PGCKA1: variants seen among roughly 807,000 people sequenced by gnomAD.
PGCKA1 encodes PDCD10 and GCKIII kinases associated 1, also known as PDCD10 and GCKIII kinases-associated protein 1.
the PGCKA1 span, among the ~76,000 whole-genome samples, chr4:37,572,224 G>A: frequency 2.6e-5 from 4 of 151,304 alleles, no homozygotes; most frequent in South Asian, 4.2e-4. Flanking sequence ...CACTACGCCC[G>A]GCTAATTTTT....
chr4:37,457,233 CCTT>C, the PGCKA1 span, among the ~76,000 whole-genome samples: 1 of 152,208 alleles, frequency 6.6e-6, no homozygotes, highest in African/African-American at 2.4e-5. Flanking sequence ...TAGCTTAACT[CCTT>C]CTGGGAGTAA....
the PGCKA1 span, among the ~76,000 whole-genome samples, chr4:37,504,359 G>A: frequency 1.4e-4 from 22 of 152,256 alleles, no homozygotes; most frequent in African/African-American, 4.8e-4. Flanking sequence ...GTTAGGGAAT[G>A]TGATTCCTCC....
chr4:37,538,586 T>C, the PGCKA1 span, among the ~76,000 whole-genome samples: 1 of 152,132 alleles, frequency 6.6e-6, no homozygotes, highest in Non-Finnish European at 1.5e-5. Flanking sequence ...TTAGGTGGGG[T>C]CTTTAGCTGT....
At chr4:37,529,455 C>T in the PGCKA1 span, among the ~76,000 whole-genome samples, 1 of 151,912 alleles carries the variant, frequency 6.6e-6, no homozygotes, top group Non-Finnish European at 1.5e-5. Flanking sequence ...CTCTATTATC[C>T]CACCTGTGCT....
At chr4:37,551,287 C>CAA in the PGCKA1 span, among the ~76,000 whole-genome samples, 2 of 152,138 alleles carry the variant, frequency 1.3e-5, no homozygotes, top group South Asian at 2.1e-4. Context: ...ATGCTTCCCA[C>CAA]AAAAAACGAA....
the PGCKA1 span, among the ~76,000 whole-genome samples, chr4:37,589,634 A>C: frequency 6.6e-6 from 1 of 151,978 alleles, no homozygotes; most frequent in Non-Finnish European, 1.5e-5. Flanking sequence ...TTCAGGCAGA[A>C]CCTTGTTTAT....
At chr4:37,549,915 G>T in the PGCKA1 span, among the ~76,000 whole-genome samples, 1 of 152,166 alleles carries the variant, frequency 6.6e-6, no homozygotes, top group African/African-American at 2.4e-5. Flanking sequence ...GAAACTCATC[G>T]TGGGACTTAT....
the PGCKA1 span, chr4:37,590,312 AG>A: frequency 6.2e-7 from 1 of 1,613,838 alleles, no homozygotes; most frequent in Non-Finnish European, 8.5e-7. Flanking sequence ...CCGCTCCCAC[AG>A]GGGGACGCTG....
chr4:37,505,857 T>C, the PGCKA1 span, among the ~76,000 whole-genome samples: 1 of 152,370 alleles, frequency 6.6e-6, no homozygotes, highest in African/African-American at 2.4e-5. Flanking sequence ...TGAGTAGGAT[T>C]GTTATTAGTT....
chr4:37,497,888 G>T, the PGCKA1 span, among the ~76,000 whole-genome samples: 1 of 152,048 alleles, frequency 6.6e-6, no homozygotes, highest in Non-Finnish European at 1.5e-5. Flanking sequence ...AGTTTAATTA[G>T]GTCACAGCTA....
At chr4:37,579,382 T>C in the PGCKA1 span, among the ~76,000 whole-genome samples, 3 of 152,224 alleles carry the variant, frequency 2.0e-5, no homozygotes, top group Non-Finnish European at 4.4e-5. Flanking sequence ...TTAGATTATT[T>C]CTCATTGCTC....
the PGCKA1 span, among the ~76,000 whole-genome samples, chr4:37,531,891 CAAA>C: frequency 1.1e-4 from 8 of 70,928 alleles, no homozygotes; most frequent in African/African-American, 1.9e-4. Flanking sequence ...GAATCTGTCT[CAAA>C]AAAAAAAAAA....
chr4:37,569,233 T>C, the PGCKA1 span, among the ~76,000 whole-genome samples: 1 of 151,946 alleles, frequency 6.6e-6, no homozygotes, highest in Non-Finnish European at 1.5e-5. Context: ...GTTTTGCTCT[T>C]GTTGCCCAGG....
At chr4:37,570,255 C>T in the PGCKA1 span, among the ~76,000 whole-genome samples, 1 of 148,670 alleles carries the variant, frequency 6.7e-6, no homozygotes, top group Admixed American at 6.8e-5. Flanking sequence ...ACCTCGGCCT[C>T]CCAAAGTGCT....
the PGCKA1 span, among the ~76,000 whole-genome samples, chr4:37,543,217 A>G: frequency 1.3e-5 from 2 of 152,078 alleles, no homozygotes; most frequent in Non-Finnish European, 2.9e-5. Flanking sequence ...TTTTTCCATA[A>G]TAGGCATCAT....
the PGCKA1 span, among the ~76,000 whole-genome samples, chr4:37,459,021 G>A: frequency 2.2e-4 from 33 of 152,228 alleles, no homozygotes; most frequent in Non-Finnish European, 3.8e-4. Context: ...CCAACACTGG[G>A]ACTTGGGTGT....
chr4:37,504,294 C>T, the PGCKA1 span, among the ~76,000 whole-genome samples: 5 of 152,080 alleles, frequency 3.3e-5, no homozygotes, highest in African/African-American at 1.2e-4. Context: ...CTATGTGTCT[C>T]ATTTTATGCC....
chr4:37,541,837 A>G, the PGCKA1 span, among the ~76,000 whole-genome samples: 1 of 152,202 alleles, frequency 6.6e-6, no homozygotes, highest in Non-Finnish European at 1.5e-5. Flanking sequence ...AAAGACATCT[A>G]GAGCCAGGAA....
chr4:37,482,347 G>C, the PGCKA1 span, among the ~76,000 whole-genome samples: 1 of 152,154 alleles, frequency 6.6e-6, no homozygotes, highest in Admixed American at 6.5e-5. Flanking sequence ...AGTCCAGGCC[G>C]AGGTGGTTTC....
Sources: gnomAD v4.1 joint callset for allele counts (sites outside exome capture counted in the v4.1 genomes callset) on GRCh38, gnomAD v4.1.1 for gene constraint, MANE v1.5 for transcripts, NCBI Gene and HGNC (gene_info 2026-07-23, HGNC 2026-07-21) for gene names.